AASS: variants seen among roughly 807,000 people sequenced by gnomAD.
AASS encodes aminoadipate-semialdehyde synthase.
A neutral mutation model predicts 105.4 loss-of-function variants in AASS; 86 were observed. That is an observed-to-expected ratio of 0.82 (90% confidence interval 0.69 to 0.98). The LOEUF is 0.98. AASS is among the 50% of genes least tolerant of loss of function. The pLI is 0.00. For synonymous variants in AASS, 381 were observed against 394.8 expected, an observed-to-expected ratio of 0.96 and a Z score of 0.41; for missense variants, 1,048 against 1,143.2, an observed-to-expected ratio of 0.92 and a Z score of 1.20.
intron 4 of AASS, among the ~76,000 whole-genome samples, chr7:122,125,455 T>C (rs1795615280): frequency 6.6e-6 from 1 of 152,156 alleles, no homozygotes; most frequent in Non-Finnish European, 1.5e-5. Flanking sequence ...TCACCAGCAG[T>C]TTTGCCACAA....
At chr7:122,078,736 C>T in intron 22 of AASS, 126 bp downstream of exon 22, 2 of 848,872 alleles carry the variant, frequency 2.4e-6, no homozygotes, top group Middle Eastern at 3.0e-4. Flanking sequence ...AGTCCAATTG[C>T]CCTTTTCTTC....
At position 122,137,725 on chromosome 7, in the gene AASS, T is replaced by G. The variant is rs998354913; in HGVS notation, c.-15-3984A>C. 2.6e-5 allele frequency among the ~76,000 whole-genome samples: 4 copies of G among 152,228 alleles called. No homozygotes were observed. The East Asian group carries it at 5.8e-4, about 22-fold the overall frequency. The stretch of plus-strand genomic sequence containing the variant: ...TGAATTGCACTGCAGGTGTCTAGTA[T>G]TTCATGGAAATGCCAACGGAGGCTG... On this transcript the variant is annotated intron_variant, in intron 1 of 23. Transcript: ENST00000417368.
At chr7:122,089,930 G>A (rs1326072562) in intron 18 of AASS, among the ~76,000 whole-genome samples, 1 of 152,192 alleles carries the variant, frequency 6.6e-6, no homozygotes, top group African/African-American at 2.4e-5. Flanking sequence ...ACATAGGCCA[G>A]TCTCTTAAGA....
rs1454673437 is a variant in AASS at position 122,087,689 on chromosome 7, C to T, written c.2017-1510G>A. Among the ~76,000 whole-genome samples the T allele has an allele frequency of 2.0e-5, 3 of 152,154 alleles. No homozygotes were observed. The South Asian group carries it at 6.2e-4, about 32-fold the overall frequency. On this transcript the variant is annotated intron_variant, in intron 18 of 23. Coordinates refer to ENST00000417368, the MANE Select transcript of AASS (RefSeq NM_005763.4). ...ATAGCCTGAGCGACACAGCAAGACACCATCTCTTAAAAACAAAAAAGCAAA... is the reference window on the plus strand; with the variant it reads ...ATAGCCTGAGCGACACAGCAAGACATCATCTCTTAAAAACAAAAAAGCAAA...
chr7:122,115,143 G>A lies in AASS; in HGVS notation c.974C>T (p.Ala325Val). Residue 325 changes from alanine (A) to valine (V), a missense_variant, in exon 9 of 24, where the codon GCT becomes GTT. Ala to Val is a moderately conservative substitution (Grantham distance 64). Transcript: ENST00000417368. ...CTTGCCCGGAGCCAGGAGACTCTGAGCATCTTGGCGGGTTAGGAGGCGAGG... is the reference window on the plus strand; with the variant it reads ...CTTGCCCGGAGCCAGGAGACTCTGAACATCTTGGCGGGTTAGGAGGCGAGG... ...NTPRLLTRQDAQSLLAPGKFS... is the reference protein window; with the variant it reads ...NTPRLLTRQDVQSLLAPGKFS... 6.2e-7 allele frequency: 1 copy of A among 1,614,190 alleles called. No homozygotes were observed. The highest frequency in any genetic ancestry group is 8.5e-7 in the Non-Finnish European group (1 of 1,180,034).
At position 122,079,624 on chromosome 7, in the gene AASS, TCTC is replaced by T; in HGVS notation, c.2366_2368del (p.Gly789del). The T allele has an allele frequency of 4.3e-6, 7 of 1,613,900 alleles. No homozygotes were observed. The highest frequency in any genetic ancestry group is 5.9e-6 in the Non-Finnish European group (7 of 1,179,794). Reference sequence around the variant, plus strand: ...TTCAGCAGCCTCCAACTGGGTATTGTCTCCTCCTAGTTTCTTAAGAACAGCTTC... The same window carrying T: ...TTCAGCAGCCTCCAACTGGGTATTGTCTCCTAGTTTCTTAAGAACAGCTTC... On this transcript the variant is annotated inframe_deletion, in exon 21 of 24. Coordinates refer to ENST00000417368, the MANE Select transcript of AASS (RefSeq NM_005763.4).
intron 14 of AASS, 38 bp from the exon 15 acceptor site, chr7:122,098,614 C>A: frequency 1.3e-6 from 2 of 1,594,240 alleles, no homozygotes; most frequent in South Asian, 2.2e-5. Flanking sequence ...TTAGATATGT[C>A]AGAGTAAAAT....
At chr7:122,123,109 C>CT (rs942341401) in intron 4 of AASS, among the ~76,000 whole-genome samples, 2 of 152,160 alleles carry the variant, frequency 1.3e-5, no homozygotes, top group African/African-American at 4.8e-5. Flanking sequence ...GGCAATTGTT[C>CT]TTTTCCACAA....
rs1795182872 is a variant in AASS, at chr7:122,116,511, C to G, written c.894+122G>C. 12 of 1,261,848 alleles carry G rather than the reference C, an allele frequency of 9.5e-6. No individual in the cohort carries two copies. In the Admixed American group the frequency reaches 2.1e-4, roughly 22 times the overall value. The allele number at this position is 1,261,848 out of a possible 1,614,324, so 78.2% of individuals were successfully genotyped here. A position where few individuals can be genotyped will look rare whatever the true frequency, so the allele number is the denominator to read the frequency against. On this transcript the variant is annotated intron_variant, in intron 8 of 23. Coordinates refer to ENST00000417368, the MANE Select transcript of AASS (RefSeq NM_005763.4). ...TAGCTCCAAAGGCCAAATCATGATACCCAAAGGACTCACAACAGGAAAACT... is the reference window on the plus strand; with the variant it reads ...TAGCTCCAAAGGCCAAATCATGATAGCCAAAGGACTCACAACAGGAAAACT...
intron 15 of AASS, among the ~76,000 whole-genome samples, chr7:122,093,534 G>C (rs894525715): frequency 6.6e-6 from 1 of 152,200 alleles, no homozygotes; most frequent in African/African-American, 2.4e-5. Flanking sequence ...TTGGGGCCAG[G>C]TGCTGTGCCT....
intron 9 of AASS, 134 bp downstream of exon 9, chr7:122,114,940 C>A (rs1795098334): frequency 3.4e-6 from 4 of 1,186,986 alleles, no homozygotes; most frequent in African/African-American, 1.5e-5. Flanking sequence ...GTGTTGAGTA[C>A]TGCCAAGAGG....
chr7:122,078,778 G>T (rs1562899428), intron 22 of AASS, 84 bp downstream of exon 22: 1 of 1,320,282 alleles, frequency 7.6e-7, no homozygotes, highest in Non-Finnish European at 1.1e-6. Context: ...GCTGCTTGGG[G>T]CCAACCCTCC....
intron 11 of AASS, 59 bp from the exon 12 acceptor site, chr7:122,101,739 G>T: frequency 8.1e-7 from 1 of 1,234,876 alleles, no homozygotes; most frequent in Non-Finnish European, 1.2e-6. Context: ...GCCTCTTGGT[G>T]TTTGTATCCA....
chr7:122,120,252 G>C (rs974396927), intron 4 of AASS, among the ~76,000 whole-genome samples: 13 of 152,056 alleles, frequency 8.5e-5, no homozygotes, highest in Non-Finnish European at 1.9e-4. Context: ...GTGGAATTTA[G>C]TTTGTACCTT....
At position 122,076,256 on chromosome 7, in the gene AASS, T is replaced by C. The variant is rs1034884141; in HGVS notation, c.*233A>G. On this transcript the variant is annotated 3_prime_UTR_variant, in exon 24 of 24. Coordinates refer to ENST00000417368, the MANE Select transcript of AASS (RefSeq NM_005763.4). ...AAATAGCATGATCATCACTTTCACATACGTATTTATAAAATACAGGGTAGA... is the reference window on the plus strand; with the variant it reads ...AAATAGCATGATCATCACTTTCACACACGTATTTATAAAATACAGGGTAGA... The C allele has an allele frequency of 1.5e-5, 7 of 471,602 alleles. No homozygotes were observed. The highest frequency in any genetic ancestry group is 5.7e-4 in the Middle Eastern group (1 of 1,740). 29.2% of individuals were successfully genotyped at this position (471,602 alleles called of 1,614,324 possible). A position where few individuals can be genotyped will look rare whatever the true frequency, so the allele number is the denominator to read the frequency against.
chr7:122,091,438 T>A (rs1484623371), intron 18 of AASS, among the ~76,000 whole-genome samples: 1 of 152,100 alleles, frequency 6.6e-6, no homozygotes, highest in African/African-American at 2.4e-5. Context: ...TAACCAGTGT[T>A]TACATATATA....
chr7:122,132,226 A>G (rs975017387), intron 2 of AASS, among the ~76,000 whole-genome samples: 1 of 152,236 alleles, frequency 6.6e-6, no homozygotes, highest in Admixed American at 6.5e-5. Context: ...ACTGAATTAC[A>G]GAATTCACAG....
intron 11 of AASS, among the ~76,000 whole-genome samples, chr7:122,103,895 A>G (rs1360011166): frequency 6.6e-6 from 1 of 152,064 alleles, no homozygotes; most frequent in Non-Finnish European, 1.5e-5. Flanking sequence ...AAAATAGTCT[A>G]TTATAACTAT....
rs2150550220 is a variant in AASS, at chr7:122,129,494, T to A, written c.254A>T (p.Glu85Val). 3 of 1,613,536 alleles carry A rather than the reference T, an allele frequency of 1.9e-6. No homozygotes were observed. In the South Asian group the frequency reaches 3.3e-5, roughly 18 times the overall value. ...TTTAACTCCTAAAATTAGACAAGCT[T>A]CAGAAATATCCTCCTGAAGAATGCC... ...AGGILQEDIS[E>V]ACLILGVKRP... Residue 85 changes from glutamate (E) to valine (V), a missense_variant, in exon 3 of 24, where the codon GAA (glutamate) becomes GTA (valine). Transcript: ENST00000417368.
Sources: allele counts gnomAD v4.1 joint callset (sites outside exome capture counted in the v4.1 genomes callset), GRCh38; gene constraint gnomAD v4.1.1; transcripts MANE v1.5; gene names NCBI Gene and HGNC (gene_info 2026-07-23, HGNC 2026-07-21).